ROR2: variants seen among roughly 807,000 people sequenced by gnomAD.
The protein encoded by ROR2 is tyrosine-protein kinase transmembrane receptor ROR2.
Under a neutral mutation model 74.9 loss-of-function variants are expected in ROR2, and 33 were observed. The observed-to-expected ratio is 0.44, with a 90% CI of 0.33 to 0.59. The LOEUF (loss-of-function observed/expected upper bound fraction) is 0.59. Ranked by LOEUF, ROR2 falls within the 20% of genes least tolerant of loss-of-function variation. ROR2 has a pLI of 0.02. For synonymous variants in ROR2, 586 were observed against 558.7 expected (o/e 1.05, Z -0.69); for missense variants, 1,216 against 1,313.8 (o/e 0.93, Z 1.15).
At position 91,726,407 on chromosome 9, in the gene ROR2, G is replaced by A. The variant is rs138776260; in HGVS notation, c.1386+134C>T. The A allele has an allele frequency of 8.1e-3, 7,180 of 882,958 alleles. 87 individuals carry two copies. The highest frequency in any genetic ancestry group is 0.038 in the South Asian group (2,591 of 68,788). 54.7% of individuals were successfully genotyped at this position (882,958 alleles called of 1,614,324 possible). On this transcript the variant is annotated intron_variant, in intron 8 of 8. Coordinates refer to ENST00000375708, the MANE Select transcript of ROR2 (RefSeq NM_004560.4). Reference sequence around the variant, plus strand: ...ATCTAGTTTACAGAAAAAAAAAATGGCAAAATGAAGCGGAGTTTAAAATAA... The same window carrying A: ...ATCTAGTTTACAGAAAAAAAAAATGACAAAATGAAGCGGAGTTTAAAATAA...
chr9:91,771,056 G>A (rs1439604779), intron 2 of ROR2, among the ~76,000 whole-genome samples: 1 of 152,202 alleles, frequency 6.6e-6, no homozygotes, highest in Non-Finnish European at 1.5e-5. Context: ...GGCACAAATA[G>A]CAGGGAACAG....
chr9:91,875,014 A>C (rs903459253), intron 1 of ROR2, among the ~76,000 whole-genome samples: 1 of 152,200 alleles, frequency 6.6e-6, no homozygotes, highest in Non-Finnish European at 1.5e-5. Flanking sequence ...ACCTCAAAAA[A>C]TTGGTAAATT....
At chr9:91,944,804 C>A (rs1233217840) in intron 1 of ROR2, among the ~76,000 whole-genome samples, 1 of 151,932 alleles carries the variant, frequency 6.6e-6, no homozygotes, top group African/African-American at 2.4e-5. Flanking sequence ...TGCCTACGAT[C>A]CCAGGACTGG....
At chr9:91,730,747 C>T (rs550781670) in intron 7 of ROR2, among the ~76,000 whole-genome samples, 163 bp downstream of exon 7, 23 of 152,238 alleles carry the variant, frequency 1.5e-4, no homozygotes, top group Middle Eastern at 3.4e-3. Flanking sequence ...AGCCACTACG[C>T]GTGGCCCAAC....
At chr9:91,843,202 C>CT (rs1393799074) in intron 1 of ROR2, among the ~76,000 whole-genome samples, 3 of 152,200 alleles carry the variant, frequency 2.0e-5, no homozygotes, top group Non-Finnish European at 2.9e-5. Context: ...TGCAAAGACC[C>CT]TGAAGACACG....
At chr9:91,930,105 A>G (rs1336044150) in intron 1 of ROR2, among the ~76,000 whole-genome samples, 3 of 152,186 alleles carry the variant, frequency 2.0e-5, no homozygotes, top group Non-Finnish European at 4.4e-5. Flanking sequence ...CCCAGCCACC[A>G]TATTTTTTAA....
chr9:91,854,431 C>G (rs1208140458), intron 1 of ROR2, among the ~76,000 whole-genome samples: 1 of 152,214 alleles, frequency 6.6e-6, no homozygotes, highest in African/African-American at 2.4e-5. Flanking sequence ...CAAGCACAGA[C>G]AGCACACTCT....
intron 1 of ROR2, among the ~76,000 whole-genome samples, chr9:91,838,673 C>T (rs1011910513): frequency 1.3e-5 from 2 of 152,034 alleles, no homozygotes; most frequent in Admixed American, 6.6e-5. Flanking sequence ...ATAGAGACCC[C>T]GAGCACCACG....
At chr9:91,885,173 G>C (rs957004071) in intron 1 of ROR2, among the ~76,000 whole-genome samples, 1 of 152,124 alleles carries the variant, frequency 6.6e-6, no homozygotes, top group African/African-American at 2.4e-5. Context: ...TCTCCCATTT[G>C]TCAATCAAAC....
In ROR2 at chr9:91,910,671, T is replaced by C. The variant is rs141817254; in HGVS notation, c.97+39196A>G. Reference sequence around the variant, plus strand: ...TAAATACATAAAATATGTAATACTTTTTTTTTTTTGGAGACAGTGTCTCAC... The same window carrying C: ...TAAATACATAAAATATGTAATACTTCTTTTTTTTTGGAGACAGTGTCTCAC... On this transcript the variant is annotated intron_variant, in intron 1 of 8. Transcript: ENST00000375708. Among the ~76,000 whole-genome samples, 714 of 151,864 alleles carry C rather than the reference T, an allele frequency of 4.7e-3. 6 individuals carry two copies. The highest frequency in any genetic ancestry group is 0.016 in the African/African-American group (660 of 41,366).
At chr9:91,861,961 T>TG (rs1300910272) in intron 1 of ROR2, among the ~76,000 whole-genome samples, 2 of 152,054 alleles carry the variant, frequency 1.3e-5, no homozygotes, top group Non-Finnish European at 2.9e-5. Context: ...TGGGGCTTTG[T>TG]GGAAGTCATT....
At chr9:91,745,511 C>T (rs7860353) in intron 4 of ROR2, among the ~76,000 whole-genome samples, 11,807 of 148,716 alleles carry the variant, frequency 0.079, 514 homozygotes, top group Middle Eastern at 0.11. Context: ...TCACTGCAAC[C>T]TCCACCTCCC....
chr9:91,862,486 T>G (rs1196777330), intron 1 of ROR2, among the ~76,000 whole-genome samples: 2 of 151,944 alleles, frequency 1.3e-5, no homozygotes, highest in East Asian at 3.9e-4. Flanking sequence ...ACTGAGGCCC[T>G]GTCTCTACAG....
intron 1 of ROR2, among the ~76,000 whole-genome samples, chr9:91,824,509 G>T (rs1828225849): frequency 6.6e-6 from 1 of 152,210 alleles, no homozygotes; most frequent in South Asian, 2.1e-4. Context: ...CTTCATAGTG[G>T]CAAACACAGG....
intron 1 of ROR2, among the ~76,000 whole-genome samples, chr9:91,860,378 G>C (rs1277111088): frequency 6.6e-6 from 1 of 152,178 alleles, no homozygotes; most frequent in East Asian, 1.9e-4. Context: ...GGTGGCTTGA[G>C]GGGGAAGATA....
rs189655830 is a variant in ROR2, at chr9:91,860,211, C to T, written c.98-84393G>A. Among the ~76,000 whole-genome samples, 572 of 152,234 alleles carry T rather than the reference C, an allele frequency of 3.8e-3. 1 individual carries two copies. Among genetic ancestry groups the T allele is most frequent in the Non-Finnish European group, 6.5e-3 (444 of 68,018 alleles). On this transcript the variant is annotated intron_variant, in intron 1 of 8. Coordinates refer to ENST00000375708, the MANE Select transcript of ROR2 (RefSeq NM_004560.4). ...AGGGTGAGAGAGAAGCTGTGGGGTT[C>T]CCTTGAGAGCAGGCCGGGAGACAAC... is the stretch of plus-strand genomic sequence containing the variant.
chr9:91,770,985 C>CT (rs1348258250), intron 2 of ROR2, among the ~76,000 whole-genome samples: 2 of 152,222 alleles, frequency 1.3e-5, no homozygotes, highest in Non-Finnish European at 1.5e-5. Flanking sequence ...TCAGGGAGCT[C>CT]TGCTGACTGC....
At chr9:91,925,559 T>G (rs561698849) in intron 1 of ROR2, among the ~76,000 whole-genome samples, 1 of 152,240 alleles carries the variant, frequency 6.6e-6, no homozygotes, top group South Asian at 2.1e-4. Flanking sequence ...CTCAAACTTA[T>G]GACTTACCTC....
At chr9:91,800,044 A>C (rs148257466) in intron 1 of ROR2, among the ~76,000 whole-genome samples, 138 of 152,292 alleles carry the variant, frequency 9.1e-4, no homozygotes, top group African/African-American at 3.1e-3. Flanking sequence ...TCAGCCTCTT[A>C]GAGAATAACA....
Sources: gnomAD v4.1 joint callset for allele counts (sites outside exome capture counted in the v4.1 genomes callset) on GRCh38, gnomAD v4.1.1 for gene constraint, MANE v1.5 for transcripts, NCBI Gene and HGNC (gene_info 2026-07-23, HGNC 2026-07-21) for gene names.